HDX: variants seen among roughly 807,000 people sequenced by gnomAD.
HDX encodes the protein chromosome X open reading frame 43.
Under a neutral mutation model 45.2 loss-of-function variants are expected in HDX, and 19 were observed. The observed-to-expected ratio is 0.42, with a 90% CI of 0.29 to 0.62. The LOEUF (loss-of-function observed/expected upper bound fraction) is 0.62. HDX is among the 20% of genes least tolerant of loss of function. HDX has a pLI of 0.20. For missense variants in HDX, 532 were observed against 493.9 expected (o/e 1.08, Z -0.73); for synonymous variants, 188 against 172.8 (o/e 1.09, Z -0.69).
Position 84,475,316 on chromosome X carries a change from T to G in HDX, c.82A>C (p.Lys28Gln). 8.4e-7 allele frequency: 1 copy of G among 1,187,156 alleles called. No individual in the cohort carries two copies. Among genetic ancestry groups the G allele is most frequent in the Non-Finnish European group, 1.1e-6 (1 of 875,794 alleles). Residue 28 changes from lysine to glutamine, a missense_variant, in exon 3 of 11, where the codon AAA (lysine) becomes CAA (glutamine). Lys to Gln is a moderately conservative substitution (Grantham distance 53, BLOSUM62 1). Transcript: ENST00000373177. ...TGTAATATGAGCTGAAAGCAATTTT[T>G]ACTTTGATTTGTCATTCCATTTTCA... ...YYENGMTNQS[K>Q]NCFQLILQCA...
intron 5 of HDX, among the ~76,000 whole-genome samples, chrX:84,423,550 A>G (rs6623030): frequency 0.24 from 25,764 of 106,544 alleles, 2,803 homozygotes; most frequent in East Asian, 0.63. Context: ...GAATATTGAC[A>G]CAAAAAATTT....
chrX:84,375,601 G>T (rs2038032415), intron 5 of HDX, among the ~76,000 whole-genome samples: 1 of 111,176 alleles, frequency 9.0e-6, no homozygotes. Flanking sequence ...GTAGGGACGT[G>T]GATGAAATTG....
At chrX:84,350,291 T>TGCTTGAAAA (rs2037313681) in intron 6 of HDX, among the ~76,000 whole-genome samples, 1 of 111,201 alleles carries the variant, frequency 9.0e-6, no homozygotes, top group Non-Finnish European at 1.9e-5. Flanking sequence ...ACTTGAAAAG[T>TGCTTGAAAA]GTGTATTTTA....
chrX:84,408,354 G>T (rs2038883869), intron 5 of HDX, among the ~76,000 whole-genome samples: 1 of 110,373 alleles, frequency 9.1e-6, no homozygotes, highest in Non-Finnish European at 1.9e-5. Flanking sequence ...AGATCAGATG[G>T]CTGTAGGTAT....
intron 2 of HDX, among the ~76,000 whole-genome samples, chrX:84,479,340 AC>A (rs1171834124): frequency 9.0e-6 from 1 of 111,720 alleles, no homozygotes; most frequent in Non-Finnish European, 1.9e-5. Flanking sequence ...AGCTTCTTTC[AC>A]TTAGCATAGA....
chrX:84,323,492 T>C (rs2036642934), intron 10 of HDX, among the ~76,000 whole-genome samples: 1 of 111,314 alleles, frequency 9.0e-6, no homozygotes, highest in South Asian at 3.6e-4. Context: ...GTTCTTAGAG[T>C]CAGAAAGTCA....
At chrX:84,469,703 G>A in intron 3 of HDX, 128 bp from the exon 4 acceptor site, 2 of 548,182 alleles carry the variant, frequency 3.6e-6, no homozygotes, top group African/African-American at 2.3e-5. Context: ...AAAAGAAAAA[G>A]GTAAAATAAC....
intron 6 of HDX, among the ~76,000 whole-genome samples, chrX:84,360,329 T>C (rs1018141115): frequency 1.8e-5 from 2 of 112,177 alleles, no homozygotes; most frequent in East Asian, 2.8e-4. Flanking sequence ...ACACTGTAGG[T>C]GGGAATGTAA....
rs184639532 is a variant in HDX at position 84,399,884 on chromosome X, C to T, written c.1306-38272G>A. Among the ~76,000 whole-genome samples, 253 of 111,573 alleles carry T rather than the reference C, an allele frequency of 2.3e-3. 2 individuals are homozygous for T. Among genetic ancestry groups the T allele is most frequent in the African/African-American group, 7.7e-3 (238 of 30,736 alleles). The stretch of plus-strand genomic sequence containing the variant: ...CCACCATGATCAAGTCAGCTTCATC[C>T]CTGGGATGCAAGGCTGGTTCAACAT... On this transcript the variant is annotated intron_variant, in intron 5 of 10. Transcript: ENST00000373177.
chrX:84,394,312 ATTTC>A (rs1011851833), intron 5 of HDX, among the ~76,000 whole-genome samples: 5 of 111,588 alleles, frequency 4.5e-5, no homozygotes, highest in African/African-American at 1.6e-4. Context: ...CAGTTTCCAA[ATTTC>A]TTTTTGTTAT....
chrX:84,406,535 C>CACTCTA (rs1556006645), intron 5 of HDX, among the ~76,000 whole-genome samples: 795 of 38,067 alleles, frequency 0.021, 2 homozygotes, highest in African/African-American at 0.044. Context: ...CACACACACA[C>CACTCTA]TCTATGTATC....
At chrX:84,442,989 T>C (rs1310769912) in intron 4 of HDX, among the ~76,000 whole-genome samples, 1 of 111,828 alleles carries the variant, frequency 8.9e-6, no homozygotes, top group Non-Finnish European at 1.9e-5. Flanking sequence ...AAGTCAATTG[T>C]GTGTAAGGAA....
At chrX:84,468,407 G>T in intron 4 of HDX, 65 bp downstream of exon 4, 1 of 719,198 alleles carries the variant, frequency 1.4e-6, no homozygotes, top group Non-Finnish European at 2.0e-6. Context: ...AGTGATCCAG[G>T]TCCCAAATCT....
chrX:84,347,646 C>T (rs1267885977), intron 6 of HDX, among the ~76,000 whole-genome samples: 1 of 111,279 alleles, frequency 9.0e-6, no homozygotes, highest in African/African-American at 3.3e-5. Flanking sequence ...CAACAAATTC[C>T]TTCAATTTTT....
intron 4 of HDX, among the ~76,000 whole-genome samples, chrX:84,442,428 A>T (rs1227307960): frequency 1.8e-5 from 2 of 110,948 alleles, no homozygotes; most frequent in African/African-American, 6.5e-5. Context: ...GAATAAGCTA[A>T]ACATGATATA....
At position 84,460,895 on chromosome X, in the gene HDX, A is replaced by G. The variant is rs1430232621; in HGVS notation, c.1251+7577T>C. On this transcript the variant is annotated intron_variant, in intron 4 of 10. Coordinates refer to ENST00000373177, the MANE Select transcript of HDX (RefSeq NM_001177479.2). ...AAATCTGTAGCATTTCTAAATGCTA[A>G]CAGCAAACATTCTGGAAAGTAATCC... 2.7e-5 allele frequency among the ~76,000 whole-genome samples: 3 copies of G among 111,966 alleles called. No individual in the cohort carries two copies. In the Admixed American group the frequency reaches 2.8e-4, roughly 11 times the overall value.
intron 5 of HDX, among the ~76,000 whole-genome samples, chrX:84,405,664 A>ATG (rs35051495): frequency 0.14 from 12,013 of 87,148 alleles, 1,002 homozygotes; most frequent in Non-Finnish European, 0.21. Flanking sequence ...ATATATATAT[A>ATG]TGTGTGTGTG....
chrX:84,494,875 T>A (rs2040967511), intron 1 of HDX, among the ~76,000 whole-genome samples: 1 of 111,589 alleles, frequency 9.0e-6, no homozygotes, highest in African/African-American at 3.3e-5. Context: ...ATCTTGAAGA[T>A]ATATCTGCAC....
At chrX:84,350,251 G>A (rs1311613803) in intron 6 of HDX, among the ~76,000 whole-genome samples, 1 of 110,862 alleles carries the variant, frequency 9.0e-6, no homozygotes, top group Admixed American at 9.6e-5. Flanking sequence ...TTGTGGTCCA[G>A]GATTTACTCT....
Sources: allele counts gnomAD v4.1 joint callset (sites outside exome capture counted in the v4.1 genomes callset), GRCh38; gene constraint gnomAD v4.1.1; transcripts MANE v1.5; gene names NCBI Gene and HGNC (gene_info 2026-07-23, HGNC 2026-07-21).